The following CCDC73 variants were observed in gnomAD, a reference collection of about 807,000 sequenced individuals.
The protein encoded by CCDC73 is coiled-coil domain containing 73.
In CCDC73, 95 loss-of-function variants were observed where a neutral mutation model predicts 116.5. That is an observed-to-expected ratio of 0.82 (90% CI 0.69 to 0.97). The LOEUF is 0.97. Ranked by LOEUF, CCDC73 falls within the 50% of genes least tolerant of loss-of-function variation. The probability of loss-of-function intolerance (pLI) is 0.00; values close to 1 mark genes in which losing one functional copy is unlikely to be tolerated. For synonymous variants in CCDC73, 398 were observed against 401.3 expected (o/e 0.99, Z 0.10); for missense variants, 1,066 against 1,206.8 (o/e 0.88, Z 1.73).
intron 2 of CCDC73, among the ~76,000 whole-genome samples, chr11:32,728,603 T>C (rs1033037833): frequency 6.6e-6 from 1 of 152,200 alleles, no homozygotes; most frequent in African/African-American, 2.4e-5. Flanking sequence ...AGAAAATATA[T>C]GTATATACGC....
chr11:32,762,102 T>C (rs10835968), intron 1 of CCDC73, among the ~76,000 whole-genome samples: 86,260 of 152,034 alleles, frequency 0.57, 24,913 homozygotes, highest in East Asian at 0.84. Flanking sequence ...AATATCTGGG[T>C]ACTACAACCT....
chr11:32,743,717 T>C (rs1426059935), intron 2 of CCDC73, among the ~76,000 whole-genome samples: 4 of 152,180 alleles, frequency 2.6e-5, no homozygotes, highest in African/African-American at 4.8e-5. Context: ...TTGTCTGTTA[T>C]TGGTGTATAG....
intron 3 of CCDC73, among the ~76,000 whole-genome samples, chr11:32,706,159 C>T (rs1565080927): frequency 6.6e-6 from 1 of 152,118 alleles, no homozygotes; most frequent in Non-Finnish European, 1.5e-5. Context: ...AAAGTTCTTC[C>T]TGTGAAAATA....
At chr11:32,753,469 T>C (rs1281912193) in intron 2 of CCDC73, among the ~76,000 whole-genome samples, 1 of 150,820 alleles carries the variant, frequency 6.6e-6, no homozygotes, top group Non-Finnish European at 1.5e-5. Context: ...TAAAATTTTG[T>C]TTTCTTTTTT....
At chr11:32,733,705 T>C (rs900286774) in intron 2 of CCDC73, among the ~76,000 whole-genome samples, 37 of 152,160 alleles carry the variant, frequency 2.4e-4, no homozygotes, top group Admixed American at 2.4e-3. Flanking sequence ...GAAATAAAGA[T>C]GTTCTTTGAA....
intron 5 of CCDC73, among the ~76,000 whole-genome samples, chr11:32,699,551 TA>T (rs1198494060): frequency 1.8e-4 from 27 of 151,994 alleles, no homozygotes; most frequent in Admixed American, 6.6e-4. Context: ...TATGCAGCCA[TA>T]AAAAAAGGAT....
intron 14 of CCDC73, 87 bp downstream of exon 14, chr11:32,635,609 A>G (rs973105308): frequency 1.7e-6 from 2 of 1,150,116 alleles, no homozygotes; most frequent in African/African-American, 3.2e-5. Context: ...AAGTTGAGAA[A>G]CTTAAAGTAT....
intron 2 of CCDC73, among the ~76,000 whole-genome samples, chr11:32,724,545 A>C (rs886784305): frequency 4.7e-5 from 7 of 149,982 alleles, no homozygotes; most frequent in Admixed American, 1.4e-4. Context: ...TTGGCTCAGA[A>C]ATATATTTTG....
intron 6 of CCDC73, among the ~76,000 whole-genome samples, chr11:32,691,253 T>G (rs1021922024): frequency 6.6e-6 from 1 of 151,800 alleles, no homozygotes; most frequent in Non-Finnish European, 1.5e-5. Flanking sequence ...ACCATGTTGG[T>G]CAGGCTGGTC....
intron 2 of CCDC73, among the ~76,000 whole-genome samples, chr11:32,744,010 T>C (rs1330737844): frequency 6.6e-6 from 1 of 152,164 alleles, no homozygotes; most frequent in African/African-American, 2.4e-5. Context: ...ATGCTTCCAG[T>C]CTTTGCCCAT....
chr11:32,676,936 A>G (rs1393878319), intron 7 of CCDC73, among the ~76,000 whole-genome samples: 1 of 152,262 alleles, frequency 6.6e-6, no homozygotes, highest in African/African-American at 2.4e-5. Flanking sequence ...GCTTTCAGCT[A>G]AAGGAACTAC....
chr11:32,735,430 A>C (rs1299132161), intron 2 of CCDC73, among the ~76,000 whole-genome samples: 2 of 152,196 alleles, frequency 1.3e-5, no homozygotes, highest in Non-Finnish European at 2.9e-5. Flanking sequence ...CTTCAAAGAG[A>C]ATAAAATACC....
chr11:32,784,091 A>G (rs1180888649), intron 1 of CCDC73, among the ~76,000 whole-genome samples: 2 of 152,230 alleles, frequency 1.3e-5, no homozygotes, highest in Admixed American at 1.3e-4. Flanking sequence ...GCACTTTGGG[A>G]GGCCAAGGTG....
chr11:32,632,135 A>AT (rs1855637118), intron 14 of CCDC73, among the ~76,000 whole-genome samples: 1 of 152,110 alleles, frequency 6.6e-6, no homozygotes, highest in Admixed American at 6.6e-5. Context: ...ACTAAGACTT[A>AT]TTTTTTGTGT....
At position 32,613,922 on chromosome 11, in the gene CCDC73, T is replaced by G; in HGVS notation, c.2396A>C (p.Lys799Thr). ...AKDVKTAVHM[K>T]TCTETEFSNK... ...GGAAAACTCTGTTTCTGTGCAAGTT[T>G]TCATGTGAACAGCAGTTTTCACATC... is the stretch of plus-strand genomic sequence containing the variant. Residue 799 changes from lysine to threonine, a missense_variant, in exon 16 of 18, where the codon AAA (lysine) becomes ACA (threonine). Transcript: ENST00000335185. The G allele has an allele frequency of 6.2e-7, 1 of 1,612,444 alleles. No individual in the cohort carries two copies. Among genetic ancestry groups the G allele is most frequent in the African/African-American group, 1.3e-5 (1 of 75,058 alleles).
At chr11:32,727,009 T>G (rs1850034799) in intron 2 of CCDC73, among the ~76,000 whole-genome samples, 1 of 152,210 alleles carries the variant, frequency 6.6e-6, no homozygotes, top group Non-Finnish European at 1.5e-5. Flanking sequence ...TCATGTCTCC[T>G]TAGATTCCTC....
At chr11:32,673,886 T>G (rs911479269) in intron 9 of CCDC73, among the ~76,000 whole-genome samples, 6 of 152,196 alleles carry the variant, frequency 3.9e-5, no homozygotes, top group African/African-American at 1.4e-4. Flanking sequence ...AGAAGAGAGG[T>G]TACTGGAACC....
intron 2 of CCDC73, among the ~76,000 whole-genome samples, chr11:32,749,310 C>T (rs1463672614): frequency 6.6e-6 from 1 of 151,960 alleles, no homozygotes; most frequent in African/African-American, 2.4e-5. Context: ...TATTATGAGA[C>T]TCTGATGCAT....
At position 32,736,982 on chromosome 11, in the gene CCDC73, A is replaced by G. The variant is rs890848778; in HGVS notation, c.136-18835T>C. On this transcript the variant is annotated intron_variant, in intron 2 of 17. Transcript: ENST00000335185. ...CACATATACATATATATACATATAT[A>G]TGTATATATGTATATATATATATTC... 6.7e-5 allele frequency among the ~76,000 whole-genome samples: 10 copies of G among 149,490 alleles called. No homozygotes were observed. In the Admixed American group the frequency reaches 6.7e-4, roughly 10 times the overall value.
Sources: gnomAD v4.1 joint callset for allele counts (sites outside exome capture counted in the v4.1 genomes callset) on GRCh38, gnomAD v4.1.1 for gene constraint, MANE v1.5 for transcripts, NCBI Gene and HGNC (gene_info 2026-07-23, HGNC 2026-07-21) for gene names.